FGGY: variants seen among roughly 807,000 people sequenced by gnomAD.
FGGY encodes FGGY carbohydrate kinase domain-containing protein.
A neutral mutation model predicts 71.3 loss-of-function variants in FGGY; 72 were observed. The observed-to-expected ratio is 1.01, with a 90% confidence interval of 0.84 to 1.23. The LOEUF (loss-of-function observed/expected upper bound fraction) is 1.23, where lower values mean the gene tolerates loss of function less well. Ranked by LOEUF, FGGY falls within the 50% of genes most tolerant of loss-of-function variation. The pLI is 0.00. For synonymous variants in FGGY, 251 were observed against 250.3 expected, an observed-to-expected ratio of 1.00 and a Z score of -0.02; for missense variants, 668 against 682.3, an observed-to-expected ratio of 0.98 and a Z score of 0.23.
chr1:59,725,623 G>GT (rs1185419151), intron 14 of FGGY, among the ~76,000 whole-genome samples: 2 of 149,634 alleles, frequency 1.3e-5, no homozygotes, highest in Non-Finnish European at 3.0e-5. Context: ...GGTTTTTTTT[G>GT]TTTTTTGTTT....
chr1:59,399,904 T>A (rs571912718), intron 5 of FGGY, among the ~76,000 whole-genome samples: 1 of 152,308 alleles, frequency 6.6e-6, no homozygotes, highest in East Asian at 1.9e-4. Context: ...GGGTGCTTTG[T>A]AAGGAACATC....
intron 5 of FGGY, among the ~76,000 whole-genome samples, chr1:59,441,138 G>C (rs924085477): frequency 5.3e-5 from 8 of 152,016 alleles, no homozygotes; most frequent in African/African-American, 1.9e-4. Flanking sequence ...TCCTCCATAT[G>C]TCTATTTTCC....
intron 6 of FGGY, among the ~76,000 whole-genome samples, chr1:59,503,592 G>A (rs1237842664): frequency 1.1e-5 from 1 of 94,316 alleles, no homozygotes; most frequent in African/African-American, 6.0e-5. Flanking sequence ...TTGTGGTGTC[G>A]CCATATATAT....
chr1:59,657,331 A>G (rs1180220692), intron 11 of FGGY, among the ~76,000 whole-genome samples: 1 of 152,218 alleles, frequency 6.6e-6, no homozygotes, highest in African/African-American at 2.4e-5. Flanking sequence ...ATGACCAGAG[A>G]GAGGAAGCCA....
intron 7 of FGGY, among the ~76,000 whole-genome samples, chr1:59,540,125 G>A (rs1196021038): frequency 6.6e-6 from 1 of 152,202 alleles, no homozygotes; most frequent in African/African-American, 2.4e-5. Flanking sequence ...GCCAAGTATT[G>A]ATGGGGATAT....
At chr1:59,546,381 G>A (rs988016838) in intron 7 of FGGY, among the ~76,000 whole-genome samples, 13 of 101,334 alleles carry the variant, frequency 1.3e-4, no homozygotes, top group African/African-American at 5.2e-4. Flanking sequence ...ATCTCATGTA[G>A]AAAAAGACCT....
Position 59,685,830 on chromosome 1 carries a change from C to T in FGGY, c.1512+11697C>T, listed in dbSNP as rs997481495. Among the ~76,000 whole-genome samples the T allele has an allele frequency of 7.2e-5, 11 of 152,284 alleles. No homozygotes were observed. The East Asian group carries it at 1.9e-3, about 27-fold the overall frequency. ...AGCGCAGTGACATAATCATGGCTCACTGCAGCCTCAAACACCTGTTCAAGC... is the reference window on the plus strand; with the variant it reads ...AGCGCAGTGACATAATCATGGCTCATTGCAGCCTCAAACACCTGTTCAAGC... On this transcript the variant is annotated intron_variant, in intron 14 of 15. Coordinates refer to ENST00000303721, the MANE Select transcript of FGGY (RefSeq NM_018291.5).
At chr1:59,473,043 A>G (rs1466462919) in intron 6 of FGGY, among the ~76,000 whole-genome samples, 1 of 152,150 alleles carries the variant, frequency 6.6e-6, no homozygotes, top group Non-Finnish European at 1.5e-5. Context: ...GGGCCAGATA[A>G]GAGAATAAAA....
intron 8 of FGGY, among the ~76,000 whole-genome samples, chr1:59,577,420 A>G (rs1020033637): frequency 6.6e-6 from 1 of 152,198 alleles, no homozygotes; most frequent in African/African-American, 2.4e-5. Flanking sequence ...TGAATTATTG[A>G]AAGTGATTAT....
At chr1:59,609,023 G>GT (rs980908849) in intron 9 of FGGY, among the ~76,000 whole-genome samples, 5 of 152,184 alleles carry the variant, frequency 3.3e-5, no homozygotes, top group African/African-American at 1.2e-4. Flanking sequence ...ACAAAGCTAG[G>GT]TTAGGAAACT....
Position 59,346,199 on chromosome 1 carries a change from A to G in FGGY, c.314-48A>G, listed in dbSNP as rs2051850697. 2.5e-6 allele frequency: 4 copies of G among 1,604,070 alleles called. No homozygotes were observed. The South Asian group carries it at 3.3e-5, about 13-fold the overall frequency. ...ATCCATAATTGTTCCCTTGAATTAG[A>G]AGGAAGAGAATGTGTGTCCATCTGC... is the stretch of plus-strand genomic sequence containing the variant. On this transcript the variant is annotated intron_variant, in intron 3 of 15. Transcript: ENST00000303721.
chr1:59,720,304 G>A (rs901851117), intron 14 of FGGY, among the ~76,000 whole-genome samples: 3 of 152,166 alleles, frequency 2.0e-5, no homozygotes, highest in Non-Finnish European at 4.4e-5. Flanking sequence ...TATGCCTGTA[G>A]CCATTGAAAG....
intron 1 of FGGY, among the ~76,000 whole-genome samples, chr1:59,318,085 G>C (rs573731184): frequency 1.3e-5 from 2 of 152,260 alleles, no homozygotes; most frequent in Non-Finnish European, 2.9e-5. Flanking sequence ...AGGGCTGATG[G>C]AACCGGAGGG....
chr1:59,497,566 C>T (rs989644041), intron 6 of FGGY, among the ~76,000 whole-genome samples: 3 of 152,114 alleles, frequency 2.0e-5, no homozygotes, highest in South Asian at 2.1e-4. Context: ...CCAGCCTGGG[C>T]GACAGAGCCA....
At chr1:59,553,440 G>A (rs1571183389) in intron 7 of FGGY, among the ~76,000 whole-genome samples, 1 of 152,122 alleles carries the variant, frequency 6.6e-6, no homozygotes, top group African/African-American at 2.4e-5. Context: ...CAAGGAATAC[G>A]AGCTCTATGG....
intron 8 of FGGY, among the ~76,000 whole-genome samples, chr1:59,564,756 G>A (rs2095848262): frequency 6.6e-6 from 1 of 152,200 alleles, no homozygotes; most frequent in South Asian, 2.1e-4. Context: ...CTGTGATCCA[G>A]ACATTCCATT....
intron 8 of FGGY, among the ~76,000 whole-genome samples, chr1:59,604,781 A>C (rs929800020): frequency 8.5e-5 from 13 of 152,210 alleles, no homozygotes; most frequent in African/African-American, 2.9e-4. Context: ...AAATGGGGCC[A>C]AGAGTTCTGG....
At chr1:59,356,167 C>G (rs1449176307) in intron 4 of FGGY, among the ~76,000 whole-genome samples, 1 of 152,086 alleles carries the variant, frequency 6.6e-6, no homozygotes, top group African/African-American at 2.4e-5. Flanking sequence ...TTTTTCAGCC[C>G]TACCCCTCTG....
At position 59,557,207 on chromosome 1, in the gene FGGY, GA is replaced by G. The variant is rs544569681; in HGVS notation, c.903+2981del. 4.2e-3 allele frequency among the ~76,000 whole-genome samples: 633 copies of G among 152,274 alleles called. 1 individual carries two copies. The highest frequency in any genetic ancestry group is 0.014 in the African/African-American group (600 of 41,552). On this transcript the variant is annotated intron_variant, in intron 8 of 15. Coordinates refer to ENST00000303721, the MANE Select transcript of FGGY (RefSeq NM_018291.5). ...TTCTGGCAAATAAAACCGCCACTGTGAGGAAAAATTAACCAAACAGAACACA... is the reference window on the plus strand; with the variant it reads ...TTCTGGCAAATAAAACCGCCACTGTGGGAAAAATTAACCAAACAGAACACA...
Sources: allele counts gnomAD v4.1 joint callset (sites outside exome capture counted in the v4.1 genomes callset), GRCh38; gene constraint gnomAD v4.1.1; transcripts MANE v1.5; gene names NCBI Gene and HGNC (gene_info 2026-07-23, HGNC 2026-07-21).